The following RALGDS variants were observed in gnomAD, a reference collection of about 807,000 sequenced individuals.
RALGDS encodes ral guanine nucleotide exchange factor.
RALGDS carries 44 observed loss-of-function variants against 99.8 expected under a neutral mutation model. That is an observed-to-expected ratio of 0.44 (90% CI 0.35 to 0.57). The LOEUF is 0.57. Among genes scored for constraint, RALGDS ranks in the 20% least tolerant of loss-of-function variants. The pLI, the probability that RALGDS is intolerant of heterozygous loss-of-function variation, is 0.01. For missense variants in RALGDS, 1,022 were observed against 1,203.1 expected (o/e 0.85, Z 2.23); for synonymous variants, 529 against 505.0 (o/e 1.05, Z -0.64).
rs765949443 is a variant in RALGDS, at chr9:133,105,948, C to T, written c.1586G>A (p.Arg529Gln). The T allele has an allele frequency of 3.1e-6, 5 of 1,596,510 alleles. No individual in the cohort carries two copies. Among genetic ancestry groups the T allele is most frequent in the Non-Finnish European group, 4.3e-6 (5 of 1,173,278 alleles). The change falls in exon 9 of 18, where the codon CGG (arginine) becomes CAG (glutamine). Residue 529 changes from arginine to glutamine, a missense_variant. By Grantham distance (43) the Arg-to-Gln change is conservative. This residue lies in a region of RALGDS where 825 missense variants were observed against 994.5 expected (regional missense o/e 0.83). Coordinates refer to ENST00000372050, the MANE Select transcript of RALGDS (RefSeq NM_006266.4). ...FSDENNYSLS[R>Q]ELLIKEGTSK... ...CCACTCCACCTTGATGAGCAGCTCC[C>T]GGCTCAATGAGTAGTTGTTCTCATC...
At chr9:133,109,393 G>A (rs1831228204) in intron 4 of RALGDS, among the ~76,000 whole-genome samples, 1 of 152,134 alleles carries the variant, frequency 6.6e-6, no homozygotes, top group African/African-American at 2.4e-5. Flanking sequence ...GGTGGGATGA[G>A]TTCCCGCCGG....
At chr9:133,105,830 C>CCCCA (rs1830999764) in intron 9 of RALGDS, 102 bp downstream of exon 9, 1 of 189,070 alleles carries the variant, frequency 5.3e-6, no homozygotes, top group African/African-American at 5.5e-5. Context: ...CCCCAGCCCC[C>CCCCA]GCCCCAGCCC....
At chr9:133,118,848 G>A (rs1831754434) in intron 1 of RALGDS, among the ~76,000 whole-genome samples, 1 of 152,200 alleles carries the variant, frequency 6.6e-6, no homozygotes, top group African/African-American at 2.4e-5. Flanking sequence ...CTGCACGGGT[G>A]TTTAGGTCAG....
At chr9:133,122,990 A>G (rs897859911), upstream of RALGDS, among the ~76,000 whole-genome samples, 7 of 151,676 alleles carry the variant, frequency 4.6e-5, no homozygotes, top group Non-Finnish European at 8.8e-5. Context: ...AGGCAGGAGC[A>G]CTACGCCCAG....
intron 17 of RALGDS, chr9:133,099,704 G>A (rs1054362933): frequency 2.9e-5 from 5 of 172,506 alleles, no homozygotes; most frequent in African/African-American, 1.2e-4. Context: ...TGAACACACT[G>A]GCTACTTTCA....
At chr9:133,107,898 T>C in intron 6 of RALGDS, 90 bp downstream of exon 6, 1 of 1,499,386 alleles carries the variant, frequency 6.7e-7, no homozygotes, top group Non-Finnish European at 9.2e-7. Flanking sequence ...GACCAGAACA[T>C]CAGCTCTGGA....
At chr9:133,104,828 C>T (rs368572226) in intron 9 of RALGDS, among the ~76,000 whole-genome samples, 7 of 152,098 alleles carry the variant, frequency 4.6e-5, no homozygotes, top group South Asian at 2.1e-4. Context: ...AATAAAAAAA[C>T]TCCACCTGCC....
At chr9:133,131,725 C>T (rs1832338364), upstream of RALGDS, among the ~76,000 whole-genome samples, 1 of 152,092 alleles carries the variant, frequency 6.6e-6, no homozygotes, top group African/African-American at 2.4e-5. Context: ...TCAACCTTGA[C>T]CTTCGAGGAA....
At chr9:133,129,590 C>T (rs1018981187) in intron 1 of RALGDS, among the ~76,000 whole-genome samples, 1 of 152,130 alleles carries the variant, frequency 6.6e-6, no homozygotes, top group Non-Finnish European at 1.5e-5. Flanking sequence ...CCCCCTGTGT[C>T]GGGGGCCTGG....
chr9:133,135,364 C>T (rs1027720030), upstream of RALGDS, among the ~76,000 whole-genome samples: 2 of 152,236 alleles, frequency 1.3e-5, no homozygotes, highest in African/African-American at 2.4e-5. Flanking sequence ...TCACCCACCG[C>T]AGGGCTCCCC....
Position 133,108,744 on chromosome 9 carries a change from T to C in RALGDS, c.707A>G (p.Asp236Gly). The change falls in exon 5 of 18, where the codon GAC (aspartate) becomes GGC (glycine). Residue 236 changes from aspartate (D) to glycine (G), a missense_variant. Asp to Gly is a moderately conservative substitution (Grantham distance 94). Transcript: ENST00000372050. ...AYVQLNMPGS[D>G]LERRAHLLLA... ...GAGAAGGTGGGCACGGCGCTCCAGG[T>C]CTGAGCCTGGCATGTTGAGCTGCAC... 1 of 1,613,654 alleles carries C rather than the reference T, an allele frequency of 6.2e-7. No homozygotes were observed.
chr9:133,127,843 T>C (rs377384750), intron 1 of RALGDS, among the ~76,000 whole-genome samples: 50 of 152,296 alleles, frequency 3.3e-4, no homozygotes, highest in African/African-American at 1.2e-3. Context: ...GTGGCAGATG[T>C]GACAGCAACC....
intron 1 of RALGDS, among the ~76,000 whole-genome samples, chr9:133,129,932 A>C (rs141541069): frequency 1.3e-5 from 2 of 149,636 alleles, no homozygotes; most frequent in East Asian, 2.0e-4. Flanking sequence ...CTCCTGCCTC[A>C]GCCTCCCAGG....
At chr9:133,139,045 C>T (rs987087595) in intron 1 of RALGDS, among the ~76,000 whole-genome samples, 1 of 152,186 alleles carries the variant, frequency 6.6e-6, no homozygotes, top group Admixed American at 6.5e-5. Context: ...CACGCAGCCA[C>T]ACATACCCCT....
At chr9:133,115,140 G>A (rs1007150818) in intron 1 of RALGDS, among the ~76,000 whole-genome samples, 2 of 152,194 alleles carry the variant, frequency 1.3e-5, no homozygotes, top group African/African-American at 4.8e-5. Context: ...TACGGGGCCT[G>A]CCCCAGCCCT....
intron 1 of RALGDS, among the ~76,000 whole-genome samples, chr9:133,116,501 AG>A (rs1324026224): frequency 1.5e-4 from 23 of 152,332 alleles, no homozygotes; most frequent in Admixed American, 1.4e-3. Flanking sequence ...CCAGACCTCC[AG>A]GTCAGCCGCA....
chr9:133,121,006 A>C lies in RALGDS; in HGVS notation c.149T>G (p.Phe50Cys). ...PDSCPVVLHSFTQLDPDLPRP... is the reference protein window; with the variant it reads ...PDSCPVVLHSCTQLDPDLPRP... ...CGGCAGGTCGGGGTCTAGCTGCGTG[A>C]AGCTGTGCAGCACCACCGGGCAGCT... Residue 50 changes from phenylalanine to cysteine, a missense_variant, in exon 1 of 18, where the codon TTC (phenylalanine) becomes TGC (cysteine). By Grantham distance (205) the Phe-to-Cys change is radical. This residue lies in a region of RALGDS where 180 missense variants were observed against 169.3 expected (regional missense o/e 1.06). Coordinates refer to ENST00000372050, the MANE Select transcript of RALGDS (RefSeq NM_006266.4). 1 of 1,497,576 alleles carries C rather than the reference A, an allele frequency of 6.7e-7. No individual in the cohort carries two copies. Among genetic ancestry groups the C allele is most frequent in the Non-Finnish European group, 8.8e-7 (1 of 1,130,386 alleles). 92.8% of individuals were successfully genotyped at this position (1,497,576 alleles called of 1,614,324 possible).
At chr9:133,108,651 C>A in intron 5 of RALGDS, 22 bp downstream of exon 5, 1 of 1,612,248 alleles carries the variant, frequency 6.2e-7, no homozygotes, top group Non-Finnish European at 8.5e-7. Context: ...CACCCTCTGG[C>A]ACCCACCCCA....
intron 1 of RALGDS, among the ~76,000 whole-genome samples, chr9:133,141,372 C>T (rs1292340465): frequency 6.6e-6 from 1 of 152,250 alleles, no homozygotes; most frequent in Admixed American, 6.5e-5. Context: ...CACCCCTCAT[C>T]CATGTTCTCA....
Sources: allele counts gnomAD v4.1 joint callset (sites outside exome capture counted in the v4.1 genomes callset), GRCh38; gene constraint gnomAD v4.1.1; regional missense constraint gnomAD v4.1.1; transcripts MANE v1.5; gene names NCBI Gene and HGNC (gene_info 2026-07-23, HGNC 2026-07-21).